Variants in ZFP30 observed in about 807,000 individuals in gnomAD.
The protein encoded by ZFP30 is zinc finger protein 30 homolog.
ZFP30 carries 16 observed loss-of-function variants against 12.3 expected under a neutral mutation model. The ratio of observed to expected loss-of-function variants is 1.30; its 90% CI spans 0.88 to 1.98. The LOEUF (loss-of-function observed/expected upper bound fraction) is 1.98. Among genes scored for constraint, ZFP30 ranks in the 30% most tolerant of loss-of-function variants. The pLI, the probability that ZFP30 is intolerant of heterozygous loss-of-function variation, is 0.00. For missense variants in ZFP30, 560 were observed against 611.2 expected (o/e 0.92, Z 0.88); for synonymous variants, 172 against 201.0 (o/e 0.86, Z 1.22).
At chr19:37,655,077 G>A (rs927319929) in intron 1 of ZFP30, 198 bp from the exon 2 acceptor site, 5 of 152,306 alleles carry the variant, frequency 3.3e-5, no homozygotes, top group Non-Finnish European at 7.3e-5. Context: ...TTTTGCAGGG[G>A]ACCTTCATCC....
In ZFP30 at chr19:37,635,380, AC is replaced by A; in HGVS notation, c.1160del (p.Cys387PhefsTer95). On this transcript the variant is annotated frameshift_variant, in exon 6 of 6. Transcript: ENST00000684514. LOFTEE classifies it low-confidence loss of function (END_TRUNC). ...TGEKPYECKECQKFFRRYSEL... is the reference protein window; with the variant it reads ...TGEKPYECKEXQKFFRRYSEL... ...CTGAGTAACGACGAAAGAACTTCTG[AC>A]ATTCCTTACATTCATAGGGCTTTTC... 1 of 1,614,126 alleles carries A rather than the reference AC, an allele frequency of 6.2e-7. No individual in the cohort carries two copies. Among genetic ancestry groups the A allele is most frequent in the Non-Finnish European group, 8.5e-7 (1 of 1,180,034 alleles).
In ZFP30 at chr19:37,647,847, C is replaced by A; in HGVS notation, c.-25G>T. ...TGATTTTAGAACTGCTAGAACTGGTCAATTTTCCTCAAGGTTCATGTACTT... is the reference window on the plus strand; with the variant it reads ...TGATTTTAGAACTGCTAGAACTGGTAAATTTTCCTCAAGGTTCATGTACTT... On this transcript the variant is annotated 5_prime_UTR_variant, in exon 3 of 6. It removes the in-frame stop codon of an upstream open reading frame in the 5' UTR. Coordinates refer to ENST00000684514, the MANE Select transcript of ZFP30 (RefSeq NM_001320669.3). 2 of 1,613,992 alleles carry A rather than the reference C, an allele frequency of 1.2e-6. No individual in the cohort carries two copies. The highest frequency in any genetic ancestry group is 2.2e-5 in the South Asian group (2 of 91,052).
intron 5 of ZFP30, among the ~76,000 whole-genome samples, chr19:37,642,980 G>C (rs1307140078): frequency 6.6e-6 from 1 of 150,542 alleles, no homozygotes; most frequent in Non-Finnish European, 1.5e-5. Flanking sequence ...GTGAACCCGG[G>C]AGGCGGAGCT....
At chr19:37,642,160 T>G (rs2044448693) in intron 5 of ZFP30, among the ~76,000 whole-genome samples, 1 of 152,254 alleles carries the variant, frequency 6.6e-6, no homozygotes, top group Non-Finnish European at 1.5e-5. Context: ...TTCTATCATT[T>G]CTTCTTCATT....
chr19:37,638,634 G>A (rs2927744), intron 5 of ZFP30, among the ~76,000 whole-genome samples: 34,287 of 152,070 alleles, frequency 0.23, 3,996 homozygotes, highest in Non-Finnish European at 0.25. Flanking sequence ...TTAATACATC[G>A]CAATACTATA....
At position 37,635,853 on chromosome 19, in the gene ZFP30, G is replaced by C; in HGVS notation, c.688C>G (p.Arg230Gly). Reference sequence around the variant, plus strand: ...CCAATATGAATTCTCTGATGTACTCGAAGGTCTGAGCCACATGTGAAGATC... The same window carrying C: ...CCAATATGAATTCTCTGATGTACTCCAAGGTCTGAGCCACATGTGAAGATC... ...GKIFTCGSDL[R>G]VHQRIHIGEK... Residue 230 changes from arginine to glycine, a missense_variant, in exon 6 of 6, where the codon CGA (arginine) becomes GGA (glycine). Physicochemically the swap from Arg to Gly is moderately radical, Grantham distance 125. Coordinates refer to ENST00000684514, the MANE Select transcript of ZFP30 (RefSeq NM_001320669.3). The C allele has an allele frequency of 6.2e-7, 1 of 1,614,026 alleles. No homozygotes were observed. Among genetic ancestry groups the C allele is most frequent in the Non-Finnish European group, 8.5e-7 (1 of 1,180,014 alleles).
intron 2 of ZFP30, among the ~76,000 whole-genome samples, chr19:37,652,065 C>T (rs1052997085): frequency 1.2e-4 from 18 of 152,128 alleles, no homozygotes; most frequent in Admixed American, 1.2e-3. Context: ...AGATTTAAAT[C>T]TCAACTTAAC....
Position 37,647,904 on chromosome 19 carries a change from A to T in ZFP30, c.-77-5T>A, listed in dbSNP as rs1599629284. ...CAGGGTCCACAGACACCAGAGCTGC[A>T]GAAAGAACATGTAAAATCATGAGAA... On this transcript the variant is annotated splice_polypyrimidine_tract_variant and splice_region_variant and intron_variant, in intron 2 of 5. Coordinates refer to ENST00000684514, the MANE Select transcript of ZFP30 (RefSeq NM_001320669.3). The T allele has an allele frequency of 6.6e-7, 1 of 1,507,416 alleles. No individual in the cohort carries two copies. Among genetic ancestry groups the T allele is most frequent in the East Asian group, 2.3e-5 (1 of 44,364 alleles). The allele number at this position is 1,507,416 out of a possible 1,614,324, so 93.4% of individuals were successfully genotyped here.
chr19:37,641,883 G>C (rs2044442822), intron 5 of ZFP30, among the ~76,000 whole-genome samples: 1 of 151,904 alleles, frequency 6.6e-6, no homozygotes, highest in Non-Finnish European at 1.5e-5. Context: ...CCTGTTTTTG[G>C]TCCTGTAGTT....
chr19:37,645,905 ATTC>A, intron 3 of ZFP30, among the ~76,000 whole-genome samples: 1 of 152,196 alleles, frequency 6.6e-6, no homozygotes, highest in East Asian at 1.9e-4. Flanking sequence ...ATTATAACAG[ATTC>A]TTTATTTAAT....
intron 3 of ZFP30, 138 bp downstream of exon 3, chr19:37,647,676 C>A (rs972354014): frequency 6.8e-6 from 7 of 1,032,332 alleles, no homozygotes; most frequent in Middle Eastern, 2.0e-4. Flanking sequence ...CTGGCTCCAT[C>A]CCGTGCTGGA....
chr19:37,647,855 C>T lies in ZFP30; in HGVS notation c.-33G>A, dbSNP rs369964327. On this transcript the variant is annotated 5_prime_UTR_variant, in exon 3 of 6. Coordinates refer to ENST00000684514, the MANE Select transcript of ZFP30 (RefSeq NM_001320669.3). ...GAACTGCTAGAACTGGTCAATTTTC[C>T]TCAAGGTTCATGTACTTCAGAAGCA... 2.9e-5 allele frequency: 47 copies of T among 1,613,836 alleles called. No homozygotes were observed. In the African/African-American group the frequency reaches 4.8e-4, roughly 17 times the overall value.
rs1161764137 is a variant in ZFP30, at chr19:37,652,886, G to A, written c.-78+1826C>T. On this transcript the variant is annotated intron_variant, in intron 2 of 5. Transcript: ENST00000684514. ...TAATCCCAACACTTTGGGAGGCCGAGGCAGGTGGATCACTTGAGGTTAGGA... is the reference window on the plus strand; with the variant it reads ...TAATCCCAACACTTTGGGAGGCCGAAGCAGGTGGATCACTTGAGGTTAGGA... Among the ~76,000 whole-genome samples the A allele has an allele frequency of 3.3e-5, 5 of 152,174 alleles. No homozygotes were observed. The East Asian group carries it at 9.7e-4, about 29-fold the overall frequency.
chr19:37,650,359 C>A (rs2044625037), intron 2 of ZFP30, among the ~76,000 whole-genome samples: 1 of 152,174 alleles, frequency 6.6e-6, no homozygotes, highest in African/African-American at 2.4e-5. Flanking sequence ...CCTGCCTCCA[C>A]CTCCCAAAGT....
In ZFP30 at chr19:37,636,249, T is replaced by A; in HGVS notation, c.292A>T (p.Met98Leu). Residue 98 changes from methionine to leucine, a missense_variant, in exon 6 of 6, where the codon ATG (methionine) becomes TTG (leucine). Transcript: ENST00000684514. ...KLFQGKDIYEMNLSQWKVMER... is the reference protein window; with the variant it reads ...KLFQGKDIYELNLSQWKVMER... ...ATTACCTTCCACTGAGATAAGTTCA[T>A]TTCATAAATATCCTTTCCTTGAAAT... is the stretch of plus-strand genomic sequence containing the variant. 6.2e-7 allele frequency: 1 copy of A among 1,610,010 alleles called. No individual in the cohort carries two copies. The highest frequency in any genetic ancestry group is 2.2e-5 in the East Asian group (1 of 44,856).
In ZFP30 at chr19:37,635,168, C is replaced by T; in HGVS notation, c.1373G>A (p.Ser458Asn). The T allele has an allele frequency of 1.2e-6, 2 of 1,611,872 alleles. No individual in the cohort carries two copies. The highest frequency in any genetic ancestry group is 2.2e-5 in the South Asian group (2 of 90,770). ...RLLSQLTQHQ[S>N]IHTGEKPYDC... is the part of the protein sequence containing the mutation. ...ATAGGGCTTTTCACCAGTATGAATA[C>T]TTTGATGTTGGGTAAGTTGTGAAAG... Residue 458 changes from serine to asparagine, a missense_variant, in exon 6 of 6, where the codon AGT becomes AAT. Physicochemically the swap from Ser to Asn is conservative, Grantham distance 46 (BLOSUM62 1). Coordinates refer to ENST00000684514, the MANE Select transcript of ZFP30 (RefSeq NM_001320669.3).
At chr19:37,646,061 C>T (rs1422902055) in intron 3 of ZFP30, among the ~76,000 whole-genome samples, 1 of 152,168 alleles carries the variant, frequency 6.6e-6, no homozygotes, top group Non-Finnish European at 1.5e-5. Context: ...GTTTTCAACT[C>T]CATGCCATTC....
chr19:37,644,807 G>T, intron 3 of ZFP30, 71 bp from the exon 4 acceptor site: 1 of 1,482,170 alleles, frequency 6.7e-7, no homozygotes, highest in Non-Finnish European at 9.1e-7. Flanking sequence ...AAGGTGGCTG[G>T]GTGTAGTGGC....
intron 5 of ZFP30, among the ~76,000 whole-genome samples, chr19:37,636,535 C>A (rs1282560964): frequency 6.6e-6 from 1 of 151,946 alleles, no homozygotes; most frequent in Non-Finnish European, 1.5e-5. Flanking sequence ...GTTTGAGACT[C>A]CCCACTTAAA....
Sources: gnomAD v4.1 joint callset for allele counts (sites outside exome capture counted in the v4.1 genomes callset) on GRCh38, gnomAD v4.1.1 for gene constraint, MANE v1.5 for transcripts, NCBI Gene and HGNC (gene_info 2026-07-23, HGNC 2026-07-21) for gene names.